DNAH11: variants seen among roughly 807,000 people sequenced by gnomAD.
DNAH11 encodes axonemal beta dynein heavy chain 11.
Under a neutral mutation model 526.0 loss-of-function variants are expected in DNAH11, and 442 were observed. That is an observed-to-expected ratio of 0.84 (90% CI 0.78 to 0.91). The LOEUF (loss-of-function observed/expected upper bound fraction) is 0.91. DNAH11 is among the 40% of genes least tolerant of loss of function. The pLI is 0.00. For synonymous variants in DNAH11, 2,461 were observed against 1,935.9 expected (o/e 1.27, Z -7.12); for missense variants, 6,989 against 5,448.7 (o/e 1.28, Z -8.90).
chr7:21,712,402 A>G lies in DNAH11; in HGVS notation c.6983+542A>G, dbSNP rs75862602. On this transcript the variant is annotated intron_variant, in intron 42 of 81. Transcript: ENST00000409508. ...ATTCTTTCGGGTAGAACTCAGAAGAATTTCTAGATCATATGTTAATTCTAA... is the reference window on the plus strand; with the variant it reads ...ATTCTTTCGGGTAGAACTCAGAAGAGTTTCTAGATCATATGTTAATTCTAA... Among the ~76,000 whole-genome samples the G allele has an allele frequency of 8.6e-3, 1,306 of 152,310 alleles. 16 individuals carry two copies. The highest frequency in any genetic ancestry group is 0.03 in the African/African-American group (1,246 of 41,558).
chr7:21,809,033 A>C (rs1348155349), intron 63 of DNAH11, among the ~76,000 whole-genome samples: 1 of 152,028 alleles, frequency 6.6e-6, no homozygotes, highest in Non-Finnish European at 1.5e-5. Flanking sequence ...CTACATCCTC[A>C]CCAGCATTTG....
chr7:21,690,994 T>C, intron 35 of DNAH11, 113 bp downstream of exon 35: 1 of 746,432 alleles, frequency 1.3e-6, no homozygotes. Context: ...GAAAATCCTA[T>C]ATGATTTCCT....
At chr7:21,607,668 C>T (rs900245174) in intron 20 of DNAH11, among the ~76,000 whole-genome samples, 3 of 151,848 alleles carry the variant, frequency 2.0e-5, no homozygotes, top group Non-Finnish European at 2.9e-5. Flanking sequence ...TACGGTGGCT[C>T]ACACCTGTAA....
chr7:21,751,184 C>T (rs1467684838), intron 54 of DNAH11, among the ~76,000 whole-genome samples: 7 of 152,070 alleles, frequency 4.6e-5, no homozygotes, highest in Non-Finnish European at 1.0e-4. Context: ...ATTAGCCAGG[C>T]TTGGTGGCAT....
In DNAH11 at chr7:21,750,344, A is replaced by C. The variant is rs1786361205; in HGVS notation, c.8920A>C (p.Arg2974=). ...AAACTGTTGGAAATTCTTTATGGCC[A>C]GGGTGCGACTACAGCTCAAAGTAAG... ...RENCWKFFMA[R]VRLQLKIILC... Residue 2974 remains arginine, a synonymous_variant, in exon 54 of 82, where the codon AGG becomes CGG. Transcript: ENST00000409508. 8.7e-6 allele frequency: 14 copies of C among 1,605,156 alleles called. No individual in the cohort carries two copies. The highest frequency in any genetic ancestry group is 1.1e-5 in the Non-Finnish European group (13 of 1,175,702).
chr7:21,798,626 A>C (rs1013925089), intron 61 of DNAH11, among the ~76,000 whole-genome samples: 1 of 152,154 alleles, frequency 6.6e-6, no homozygotes, highest in Non-Finnish European at 1.5e-5. Flanking sequence ...AAATCACTCA[A>C]CTGATCTTTG....
chr7:21,818,450 G>C, intron 65 of DNAH11, 111 bp downstream of exon 65: 1 of 1,268,368 alleles, frequency 7.9e-7, no homozygotes, highest in Non-Finnish European at 1.1e-6. Flanking sequence ...ATATTTCTGA[G>C]TTTCCATTTC....
chr7:21,863,152 G>A (rs886825130), intron 69 of DNAH11, among the ~76,000 whole-genome samples: 1 of 151,206 alleles, frequency 6.6e-6, no homozygotes, highest in Non-Finnish European at 1.5e-5. Context: ...GATAAAATAA[G>A]CAGATTGTCC....
intron 28 of DNAH11, among the ~76,000 whole-genome samples, chr7:21,653,582 A>C (rs760824356): frequency 2.0e-5 from 3 of 152,208 alleles, no homozygotes; most frequent in Non-Finnish European, 4.4e-5. Flanking sequence ...AGTAGAAGCC[A>C]TTCAACATCT....
intron 61 of DNAH11, among the ~76,000 whole-genome samples, chr7:21,796,524 G>C (rs1316386153): frequency 6.6e-6 from 1 of 152,188 alleles, no homozygotes; most frequent in Non-Finnish European, 1.5e-5. Context: ...GGTACAGAAT[G>C]ATGATATCTG....
chr7:21,612,028 C>T (rs1206146584), intron 20 of DNAH11, among the ~76,000 whole-genome samples: 1 of 151,936 alleles, frequency 6.6e-6, no homozygotes, highest in African/African-American at 2.4e-5. Flanking sequence ...GCAAAATTAA[C>T]AGTATTAGAA....
intron 28 of DNAH11, among the ~76,000 whole-genome samples, chr7:21,647,421 TTC>T (rs1481618609): frequency 4.8e-5 from 6 of 124,406 alleles, no homozygotes; most frequent in Middle Eastern, 3.6e-3. Flanking sequence ...AGCAATTTCT[TTC>T]TTTCTTTTTT....
intron 66 of DNAH11, among the ~76,000 whole-genome samples, chr7:21,849,578 A>G (rs575324433): frequency 1.4e-3 from 207 of 152,332 alleles, no homozygotes; most frequent in Admixed American, 2.7e-3. Flanking sequence ...GGATAATTTT[A>G]TAAGATACAA....
intron 70 of DNAH11, among the ~76,000 whole-genome samples, chr7:21,865,816 T>G (rs948449272): frequency 6.6e-6 from 1 of 152,210 alleles, no homozygotes; most frequent in African/African-American, 2.4e-5. Flanking sequence ...GGCTGCTGGT[T>G]GCCCATTTTT....
At chr7:21,681,481 A>T (rs1360392367) in intron 30 of DNAH11, 65 bp from the exon 31 acceptor site, 1 of 1,520,090 alleles carries the variant, frequency 6.6e-7, no homozygotes, top group East Asian at 2.3e-5. Context: ...AATACGAAGA[A>T]TTTGGGGCTC....
At chr7:21,608,630 T>G (rs988930395) in intron 20 of DNAH11, among the ~76,000 whole-genome samples, 1 of 152,254 alleles carries the variant, frequency 6.6e-6, no homozygotes, top group African/African-American at 2.4e-5. Flanking sequence ...GGGAGTAGGT[T>G]AGAGTATGCT....
chr7:21,680,664 C>A (rs372706384), intron 30 of DNAH11, among the ~76,000 whole-genome samples: 13 of 152,280 alleles, frequency 8.5e-5, no homozygotes, highest in East Asian at 7.7e-4. Context: ...CCATTTTATT[C>A]CTTTCCATTC....
intron 44 of DNAH11, among the ~76,000 whole-genome samples, chr7:21,724,837 G>T (rs1033129772): frequency 8.1e-5 from 7 of 86,596 alleles, no homozygotes; most frequent in South Asian, 4.4e-4. Context: ...TCATCATGTG[G>T]ATATGGCAGT....
intron 22 of DNAH11, among the ~76,000 whole-genome samples, chr7:21,617,208 A>G (rs565601922): frequency 1.4e-4 from 21 of 152,340 alleles, no homozygotes; most frequent in African/African-American, 4.1e-4. Context: ...CAGGCACTCA[A>G]AGGTAATCAA....
Sources: allele counts gnomAD v4.1 joint callset (sites outside exome capture counted in the v4.1 genomes callset), GRCh38; gene constraint gnomAD v4.1.1; transcripts MANE v1.5; gene names NCBI Gene and HGNC (gene_info 2026-07-23, HGNC 2026-07-21).